Variants in PFAS observed in about 807,000 individuals in gnomAD.
The protein encoded by PFAS is FGAM synthase.
PFAS carries 97 observed loss-of-function variants against 140.6 expected under a neutral mutation model. The observed-to-expected ratio is 0.69, with a 90% CI of 0.59 to 0.82. The LOEUF (loss-of-function observed/expected upper bound fraction) is 0.82. Ranked by LOEUF, PFAS falls within the 40% of genes least tolerant of loss-of-function variation. PFAS has a pLI of 0.00. For synonymous variants in PFAS, 679 were observed against 718.8 expected (o/e 0.94, Z 0.88); for missense variants, 1,656 against 1,780.2 (o/e 0.93, Z 1.26).
rs114783258 is a variant in PFAS, at chr17:8,260,470, T to G, written c.1336+2271T>G. 2.2e-3 allele frequency among the ~76,000 whole-genome samples: 342 copies of G among 152,336 alleles called. 9 individuals carry two copies. In the South Asian group the frequency reaches 0.027, roughly 12 times the overall value. ...AGGGGTTATCCGTTGCATCAGTACTTTATTTCTTTTTATGGCTGAATAATA... is the reference window on the plus strand; with the variant it reads ...AGGGGTTATCCGTTGCATCAGTACTGTATTTCTTTTTATGGCTGAATAATA... On this transcript the variant is annotated intron_variant, in intron 11 of 27. Coordinates refer to ENST00000314666, the MANE Select transcript of PFAS (RefSeq NM_012393.3).
intron 11 of PFAS, among the ~76,000 whole-genome samples, 196 bp downstream of exon 11, chr17:8,258,395 G>A (rs1030048337): frequency 2.0e-5 from 3 of 152,090 alleles, no homozygotes; most frequent in African/African-American, 7.2e-5. Flanking sequence ...CCACTTCATA[G>A]ACTGTACATA....
intron 8 of PFAS, 33 bp from the exon 9 acceptor site, chr17:8,256,802 G>A (rs1408522543): frequency 6.4e-7 from 1 of 1,566,080 alleles, no homozygotes; most frequent in Non-Finnish European, 8.6e-7. Context: ...TGTCTCTGAG[G>A]CACCCAGACC....
intron 6 of PFAS, 33 bp downstream of exon 6, chr17:8,255,943 G>A: frequency 1.3e-6 from 2 of 1,501,434 alleles, no homozygotes; most frequent in Non-Finnish European, 9.3e-7. Context: ...CCATACCTGA[G>A]CCCATGGGTG....
At chr17:8,262,769 C>T (rs1298737740) in intron 11 of PFAS, 151 bp from the exon 12 acceptor site, 1 of 659,390 alleles carries the variant, frequency 1.5e-6, no homozygotes, top group East Asian at 2.6e-5. Flanking sequence ...GTACTTCAGC[C>T]TGGACAACAG....
In PFAS at chr17:8,266,257, G is replaced by A. The variant is rs944192787; in HGVS notation, c.2725G>A (p.Asp909Asn). The change falls in exon 22 of 28, where the codon GAT becomes AAT. Residue 909 changes from aspartate (D) to asparagine (N), a missense_variant. Physicochemically the swap from Asp to Asn is conservative, Grantham distance 23 (BLOSUM62 1). Transcript: ENST00000314666. The surrounding 1 kb of genome is among the most constrained non-coding windows in gnomAD (Gnocchi z 5.0). ...LKDRLLCSGH[D>N]VSDGGLVTCL... is the part of the protein sequence containing the mutation. ...AGACCGCCTCCTCTGCTCAGGCCAC[G>A]ATGTCAGTGACGGAGGCCTCGTCAC... 6 of 1,613,920 alleles carry A rather than the reference G, an allele frequency of 3.7e-6. No homozygotes were observed. In the African/African-American group the frequency reaches 5.3e-5, roughly 14 times the overall value.
rs886835808 is a variant in PFAS at position 8,265,321 on chromosome 17, G to A, written c.2314G>A (p.Ala772Thr). ...VKCSGNWMWA[A>T]KLPGEGAALA... ...GTGTAGCGGGAACTGGATGTGGGCAGCCAAGCTCCCAGGGGAGGGCGCAGC... is the reference window on the plus strand; with the variant it reads ...GTGTAGCGGGAACTGGATGTGGGCAACCAAGCTCCCAGGGGAGGGCGCAGC... The change falls in exon 19 of 28, where the codon GCC becomes ACC. Residue 772 changes from alanine to threonine, a missense_variant. Ala to Thr is a moderately conservative substitution (Grantham distance 58). Around this residue, in one of 2 missense-constraint regions of PFAS, gnomAD observed 883 missense variants for 1,023.0 expected, o/e 0.86. Coordinates refer to ENST00000314666, the MANE Select transcript of PFAS (RefSeq NM_012393.3). The A allele has an allele frequency of 1.2e-6, 2 of 1,614,002 alleles. No homozygotes were observed. The highest frequency in any genetic ancestry group is 2.7e-5 in the African/African-American group (2 of 74,938).
chr17:8,260,720 G>T (rs1989558810), intron 11 of PFAS, among the ~76,000 whole-genome samples: 2 of 152,186 alleles, frequency 1.3e-5, no homozygotes, highest in South Asian at 4.1e-4. Flanking sequence ...CGCCTCCCGG[G>T]TTCACGCCAC....
chr17:8,257,185 T>C (rs893023194), intron 9 of PFAS, among the ~76,000 whole-genome samples: 4 of 152,232 alleles, frequency 2.6e-5, no homozygotes, highest in Admixed American at 6.5e-5. Context: ...CTTTAAAAAC[T>C]AGCCTTCATT....
rs1391059084 is a variant in PFAS, at chr17:8,265,773, C to T, written c.2546-89C>T. 18 of 1,365,004 alleles carry T rather than the reference C, an allele frequency of 1.3e-5. 1 individual carries two copies. Among genetic ancestry groups the T allele is most frequent in the Middle Eastern group, 1.8e-4 (1 of 5,466 alleles). 84.6% of individuals were successfully genotyped at this position (1,365,004 alleles called of 1,614,324 possible). Reference sequence around the variant, plus strand: ...GGGACTGATTGTCTAGGTGTCTCACCACATGCTGGGAATAGCAGTGCTGTG... The same window carrying T: ...GGGACTGATTGTCTAGGTGTCTCACTACATGCTGGGAATAGCAGTGCTGTG... On this transcript the variant is annotated intron_variant, in intron 20 of 27. Coordinates refer to ENST00000314666, the MANE Select transcript of PFAS (RefSeq NM_012393.3).
Position 8,267,289 on chromosome 17 carries a change from C to T in PFAS, c.3175+54C>T. On this transcript the variant is annotated intron_variant, in intron 24 of 27. Coordinates refer to ENST00000314666, the MANE Select transcript of PFAS (RefSeq NM_012393.3). This position sits in a 1 kb window ranked among gnomAD's most constrained non-coding sequence, Gnocchi z 4.9. ...TCCTGGGGGCACTGAGCCTGGATGC[C>T]TGGGCCTGCCCTCAGAAAGGTGTCT... is the stretch of plus-strand genomic sequence containing the variant. 6.3e-7 allele frequency: 1 copy of T among 1,583,756 alleles called. No individual in the cohort carries two copies. The highest frequency in any genetic ancestry group is 8.7e-7 in the Non-Finnish European group (1 of 1,154,226).
In PFAS at chr17:8,267,805, C is replaced by A; in HGVS notation, c.3382+140C>A. 1 of 435,354 alleles carries A rather than the reference C, an allele frequency of 2.3e-6. No homozygotes were observed. The highest frequency in any genetic ancestry group is 3.4e-4 in the Middle Eastern group (1 of 2,964). 27.0% of individuals were successfully genotyped at this position (435,354 alleles called of 1,614,324 possible). On this transcript the variant is annotated intron_variant, in intron 26 of 27. Transcript: ENST00000314666. The surrounding 1 kb of genome is among the most constrained non-coding windows in gnomAD (Gnocchi z 4.9). ...GGGCCCATTCGTTCTGGGCCACATG[C>A]CAACAGAAGGCTGGTAGTAAATTTT...
In PFAS at chr17:8,267,012, T is replaced by G; in HGVS notation, c.2968-16T>G. 6.2e-7 allele frequency: 1 copy of G among 1,613,220 alleles called. No homozygotes were observed. Among genetic ancestry groups the G allele is most frequent in the Non-Finnish European group, 8.5e-7 (1 of 1,179,900 alleles). ...TCCTTTCTCCTAGCCCGTGGGAGAT[T>G]TGTTCCTCTTCCTAGGTCCGGGTGT... On this transcript the variant is annotated splice_polypyrimidine_tract_variant and intron_variant, in intron 23 of 27. Transcript: ENST00000314666. The surrounding 1 kb of genome is among the most constrained non-coding windows in gnomAD (Gnocchi z 4.9).
chr17:8,268,451 C>A, intron 26 of PFAS, 82 bp from the exon 27 acceptor site: 1 of 872,338 alleles, frequency 1.1e-6, no homozygotes, highest in Non-Finnish European at 1.8e-6. Context: ...AGAAAAGAAA[C>A]AGAGCAGTTA....
At chr17:8,248,078 T>G, upstream of PFAS, 2 of 586,882 alleles carry the variant, frequency 3.4e-6, no homozygotes, top group Non-Finnish European at 5.9e-6. Context: ...AGGTGCTCGC[T>G]TGGGGGTGGG....
In PFAS at chr17:8,267,425, C is replaced by T. The variant is rs565056189; in HGVS notation, c.3229C>T (p.Arg1077Trp). The T allele has an allele frequency of 1.5e-5, 24 of 1,614,098 alleles. No homozygotes were observed. The highest frequency in any genetic ancestry group is 2.7e-5 in the African/African-American group (2 of 75,054). The change falls in exon 25 of 28, where the codon CGG becomes TGG. Residue 1077 changes from arginine (R) to tryptophan (W), a missense_variant. This residue lies in a region of PFAS where 883 missense variants were observed against 1,023.0 expected (regional missense o/e 0.86). Coordinates refer to ENST00000314666, the MANE Select transcript of PFAS (RefSeq NM_012393.3). This position sits in a 1 kb window ranked among gnomAD's most constrained non-coding sequence, Gnocchi z 4.9. ...GCGAGAGGAGGGCAGTAATGGAGAC[C>T]GGGAGATGGCCGATGCCTTCCACTT... ...ILREEGSNGD[R>W]EMADAFHLAG...
At position 8,266,483 on chromosome 17, in the gene PFAS, G is replaced by T; in HGVS notation, c.2821+130G>T. On this transcript the variant is annotated intron_variant, in intron 22 of 27. Transcript: ENST00000314666. This position sits in a 1 kb window ranked among gnomAD's most constrained non-coding sequence, Gnocchi z 5.0. ...TGAGTCTTCCCTGACTAGCTTTTCT[G>T]TGCTGTCTCTCTGACAGCTGAACTG... 6.7e-7 allele frequency: 1 copy of T among 1,500,470 alleles called. No individual in the cohort carries two copies. The highest frequency in any genetic ancestry group is 2.3e-5 in the Admixed American group (1 of 42,906). The allele number at this position is 1,500,470 out of a possible 1,614,324, so 92.9% of individuals were successfully genotyped here.
At position 8,264,227 on chromosome 17, in the gene PFAS, G is replaced by C. The variant is rs760906699; in HGVS notation, c.1807G>C (p.Asp603His). The change falls in exon 16 of 28, where the codon GAT (aspartate) becomes CAT (histidine). Residue 603 changes from aspartate to histidine, a missense_variant. Physicochemically the swap from Asp to His is moderately conservative, Grantham distance 81. This residue lies in a region of PFAS where 883 missense variants were observed against 1,023.0 expected (regional missense o/e 0.86). Transcript: ENST00000314666. ...TGGTCTATAGATAGTGCTGGTGGAC[G>C]ATCGGGAGTGTCCTGTCAGAAGAAA... ...TGDRRIVLVD[D>H]RECPVRRNGQ... 7 of 1,613,910 alleles carry C rather than the reference G, an allele frequency of 4.3e-6. No homozygotes were observed. Among genetic ancestry groups the C allele is most frequent in the African/African-American group, 1.3e-5 (1 of 74,904 alleles).
chr17:8,248,368 G>T (rs1276813450), upstream of PFAS, among the ~76,000 whole-genome samples: 6 of 147,332 alleles, frequency 4.1e-5, no homozygotes, highest in African/African-American at 1.5e-4. Context: ...AGCCTCCTGA[G>T]TAGCTAGGAT....
At chr17:8,253,674 T>G (rs1383726086) in intron 1 of PFAS, among the ~76,000 whole-genome samples, 185 bp from the exon 2 acceptor site, 2 of 152,136 alleles carry the variant, frequency 1.3e-5, no homozygotes, top group East Asian at 1.9e-4. Context: ...CTAGTAACTG[T>G]GATTACAGGC....
Sources: allele counts gnomAD v4.1 joint callset (sites outside exome capture counted in the v4.1 genomes callset), GRCh38; gene constraint gnomAD v4.1.1; regional missense constraint gnomAD v4.1.1; non-coding constraint Gnocchi (gnomAD v3.1); transcripts MANE v1.5; gene names NCBI Gene and HGNC (gene_info 2026-07-23, HGNC 2026-07-21).